HIVEP3: variants seen among roughly 807,000 people sequenced by gnomAD.
The protein encoded by HIVEP3 is HIVEP zinc finger 3, also known as transcription factor HIVEP3.
In HIVEP3, 49 loss-of-function variants were observed where a neutral mutation model predicts 152.8. That is an observed-to-expected ratio of 0.32 (90% CI 0.26 to 0.41). The LOEUF (loss-of-function observed/expected upper bound fraction) is 0.41. HIVEP3 is among the 10% of genes least tolerant of loss of function. The pLI, the probability that HIVEP3 is intolerant of heterozygous loss-of-function variation, is 1.00. For synonymous variants in HIVEP3, 1,269 were observed against 1,289.0 expected (o/e 0.98, Z 0.33); for missense variants, 2,790 against 3,103.3 (o/e 0.90, Z 2.40).
intron 2 of HIVEP3, among the ~76,000 whole-genome samples, chr1:41,660,530 G>C (rs1385223508): frequency 2.0e-5 from 3 of 152,154 alleles, no homozygotes; most frequent in Admixed American, 1.3e-4. Context: ...GTTTAGCTGT[G>C]TGACCTCAGA....
chr1:41,690,832 C>T (rs555438915), intron 2 of HIVEP3, among the ~76,000 whole-genome samples: 2 of 152,140 alleles, frequency 1.3e-5, no homozygotes, highest in Non-Finnish European at 2.9e-5. Context: ...GCAGGAGAAT[C>T]GCTTGAACCC....
At chr1:41,974,510 C>T (rs1030297615) in intron 1 of HIVEP3, among the ~76,000 whole-genome samples, 2 of 151,766 alleles carry the variant, frequency 1.3e-5, no homozygotes, top group African/African-American at 4.8e-5. Flanking sequence ...CACACACACA[C>T]ACACACACAC....
chr1:41,652,175 T>A, intron 2 of HIVEP3, among the ~76,000 whole-genome samples: 1 of 152,056 alleles, frequency 6.6e-6, no homozygotes, highest in East Asian at 1.9e-4. Context: ...CACGCCAGAG[T>A]CTGAAGGACT....
In HIVEP3 at chr1:41,977,473, C is replaced by G. The variant is rs957730336; in HGVS notation, n.119+58334G>C. ...GCCTCAGGAGGTCCCACCTGCCAGC[C>G]GCCGGTGGAGGGAGCAGGTGCAGGC... On this transcript the variant is annotated intron_variant and non_coding_transcript_variant, in intron 1 of 3. Transcript: ENST00000489103. Among the ~76,000 whole-genome samples the G allele has an allele frequency of 8.5e-5, 13 of 152,262 alleles. No homozygotes were observed. In the South Asian group the frequency reaches 1.7e-3, roughly 19 times the overall value.
At chr1:41,614,334 C>T (rs1644937791) in intron 3 of HIVEP3, among the ~76,000 whole-genome samples, 2 of 152,232 alleles carry the variant, frequency 1.3e-5, no homozygotes, top group South Asian at 4.1e-4. Context: ...AGTACCATTT[C>T]TGAGATGATC....
chr1:42,005,466 A>C (rs1454723352), intron 1 of HIVEP3, among the ~76,000 whole-genome samples: 1 of 152,152 alleles, frequency 6.6e-6, no homozygotes, highest in Non-Finnish European at 1.5e-5. Context: ...ATATATAATG[A>C]ATAAATGAGT....
chr1:41,707,269 GC>G (rs1646448707), intron 1 of HIVEP3, among the ~76,000 whole-genome samples: 1 of 152,212 alleles, frequency 6.6e-6, no homozygotes, highest in South Asian at 2.1e-4. Context: ...GAGGGCACTG[GC>G]AGGAGAAGCA....
At chr1:41,937,421 G>A (rs1021300476) in intron 1 of HIVEP3, among the ~76,000 whole-genome samples, 2 of 152,118 alleles carry the variant, frequency 1.3e-5, no homozygotes. Flanking sequence ...AGACAATCTA[G>A]GTACTTATCA....
At chr1:41,569,474 T>G (rs1369005569) in intron 5 of HIVEP3, among the ~76,000 whole-genome samples, 1 of 152,154 alleles carries the variant, frequency 6.6e-6, no homozygotes, top group Non-Finnish European at 1.5e-5. Flanking sequence ...ATCAATTTGT[T>G]CCCCAATAAA....
chr1:41,524,640 CAA>C, intron 6 of HIVEP3, 93 bp downstream of exon 6: 2 of 1,189,416 alleles, frequency 1.7e-6, no homozygotes, highest in Non-Finnish European at 2.5e-6. Flanking sequence ...AGGCCCCCTG[CAA>C]AGAGGTCTGG....
At chr1:41,698,297 T>G (rs1012098816) in intron 2 of HIVEP3, among the ~76,000 whole-genome samples, 38 of 152,144 alleles carry the variant, frequency 2.5e-4, no homozygotes, top group Admixed American at 1.3e-4. Flanking sequence ...TCTGAGGACC[T>G]GTTCCCTCCT....
chr1:41,658,111 C>G (rs1645656195), intron 2 of HIVEP3, among the ~76,000 whole-genome samples: 1 of 152,230 alleles, frequency 6.6e-6, no homozygotes, highest in Admixed American at 6.5e-5. Flanking sequence ...CATTTTCTCA[C>G]AACTACACCC....
chr1:41,907,669 T>G (rs570449932), intron 1 of HIVEP3, among the ~76,000 whole-genome samples: 1 of 152,286 alleles, frequency 6.6e-6, no homozygotes, highest in South Asian at 2.1e-4. Context: ...AAGAGAACAA[T>G]GACAACCCAA....
intron 1 of HIVEP3, among the ~76,000 whole-genome samples, chr1:41,897,958 AGAGAGAG>A (rs1644559604): frequency 6.7e-6 from 1 of 149,366 alleles, no homozygotes; most frequent in East Asian, 2.0e-4. Flanking sequence ...AGAGAGAGAG[AGAGAGAG>A]AGAGAGAGAG....
chr1:41,982,108 G>A (rs1485913409), intron 1 of HIVEP3, among the ~76,000 whole-genome samples: 6 of 152,156 alleles, frequency 3.9e-5, no homozygotes, highest in African/African-American at 7.2e-5. Context: ...TTTCTTTATC[G>A]TGGTACTTTA....
At chr1:41,627,649 C>T (rs1193306678) in intron 3 of HIVEP3, among the ~76,000 whole-genome samples, 1 of 152,160 alleles carries the variant, frequency 6.6e-6, no homozygotes, top group East Asian at 1.9e-4. Context: ...AGTGAGGAAA[C>T]TTCAGCTTTC....
At chr1:41,512,145 T>C (rs1642442058) in intron 8 of HIVEP3, among the ~76,000 whole-genome samples, 2 of 152,020 alleles carry the variant, frequency 1.3e-5, no homozygotes, top group Non-Finnish European at 2.9e-5. Flanking sequence ...CCCTTGCAAG[T>C]GATATGATAT....
rs778093998 is a variant in HIVEP3, at chr1:41,582,788, C to G, written c.2010G>C (p.Gln670His). ...AHKKYYCSEL[Q>H]IAKPISAGTH... is the part of the protein sequence containing the mutation. The stretch of plus-strand genomic sequence containing the variant: ...TGCCTGCAGAGATGGGCTTTGCGAT[C>G]TGAAGCTCTGAGCAGTAGTATTTTT... Residue 670 changes from glutamine to histidine, a missense_variant, in exon 4 of 9, where the codon CAG (glutamine) becomes CAC (histidine). This residue lies in a region of HIVEP3 where 339 missense variants were observed against 327.0 expected (regional missense o/e 1.04). Transcript: ENST00000372583. This position sits in a 1 kb window ranked among gnomAD's most constrained non-coding sequence, Gnocchi z 4.7. The G allele has an allele frequency of 1.2e-6, 2 of 1,614,206 alleles. No homozygotes were observed. Among genetic ancestry groups the G allele is most frequent in the South Asian group, 2.2e-5 (2 of 91,086 alleles).
At chr1:41,565,247 G>T (rs1156417538) in intron 5 of HIVEP3, among the ~76,000 whole-genome samples, 2 of 152,148 alleles carry the variant, frequency 1.3e-5, no homozygotes, top group South Asian at 2.1e-4. Flanking sequence ...GGTGGAATGC[G>T]AATGGCAAAG....
Sources: allele counts gnomAD v4.1 joint callset (sites outside exome capture counted in the v4.1 genomes callset), GRCh38; gene constraint gnomAD v4.1.1; regional missense constraint gnomAD v4.1.1; non-coding constraint Gnocchi (gnomAD v3.1); transcripts MANE v1.5; gene names NCBI Gene and HGNC (gene_info 2026-07-23, HGNC 2026-07-21).